Variants in OCA2 observed in about 807,000 individuals in gnomAD.
OCA2 encodes P protein.
Under a neutral mutation model 100.2 loss-of-function variants are expected in OCA2, and 77 were observed. The observed-to-expected ratio is 0.77, with a 90% CI of 0.64 to 0.93. The LOEUF is 0.93. Among genes scored for constraint, OCA2 ranks in the 40% least tolerant of loss-of-function variants. The pLI is 0.00. For synonymous variants in OCA2, 432 were observed against 439.2 expected, an observed-to-expected ratio of 0.98 and a Z score of 0.21; for missense variants, 1,062 against 1,089.1, an observed-to-expected ratio of 0.98 and a Z score of 0.35.
intron 21 of OCA2, among the ~76,000 whole-genome samples, chr15:27,858,538 A>G (rs1251111783): frequency 6.6e-6 from 1 of 152,180 alleles, no homozygotes; most frequent in East Asian, 1.9e-4. Flanking sequence ...AGTAACCAAA[A>G]TAGAACTGAG....
intron 23 of OCA2, among the ~76,000 whole-genome samples, chr15:27,805,687 G>C (rs2033810756): frequency 6.6e-6 from 1 of 152,182 alleles, no homozygotes; most frequent in African/African-American, 2.4e-5. Context: ...AATGAGGGTG[G>C]CAGGGGAGCC....
chr15:28,070,893 T>C (rs2044238313), intron 2 of OCA2, among the ~76,000 whole-genome samples: 1 of 143,896 alleles, frequency 6.9e-6, no homozygotes, highest in Non-Finnish European at 1.5e-5. Context: ...AAACATGTGC[T>C]GTGTCCACTC....
intron 19 of OCA2, 59 bp downstream of exon 19, chr15:27,926,068 A>C (rs910279069): frequency 3.8e-6 from 6 of 1,586,492 alleles, no homozygotes; most frequent in Non-Finnish European, 4.3e-6. Context: ...TTCACCAAAT[A>C]AAACATGAAA....
At chr15:27,783,364 T>C (rs2032643350) in intron 23 of OCA2, among the ~76,000 whole-genome samples, 1 of 152,212 alleles carries the variant, frequency 6.6e-6, no homozygotes, top group South Asian at 2.1e-4. Context: ...TCTTGCTAAT[T>C]CAAATTCCCA....
In OCA2 at chr15:27,771,729, ATC is replaced by A. The variant is rs2031883751; in HGVS notation, c.2433-16259_2433-16258del. Among the ~76,000 whole-genome samples the A allele has an allele frequency of 2.0e-5, 3 of 152,272 alleles. No individual in the cohort carries two copies. In the South Asian group the frequency reaches 6.2e-4, roughly 32 times the overall value. On this transcript the variant is annotated intron_variant, in intron 23 of 23. Coordinates refer to ENST00000354638, the MANE Select transcript of OCA2 (RefSeq NM_000275.3). ...ATCAGCATGTAATCGTCTGACTTTA[ATC>A]TTCTTTACCTCTGCTACTGTATTCC... is the stretch of plus-strand genomic sequence containing the variant.
intron 19 of OCA2, among the ~76,000 whole-genome samples, chr15:27,885,655 T>C (rs1365068353): frequency 1.3e-5 from 2 of 152,212 alleles, no homozygotes; most frequent in African/African-American, 4.8e-5. Context: ...CCACTTGATA[T>C]ATGGTTTGAT....
intron 19 of OCA2, among the ~76,000 whole-genome samples, chr15:27,885,899 CCA>C (rs1412404083): frequency 6.6e-6 from 1 of 152,120 alleles, no homozygotes; most frequent in Non-Finnish European, 1.5e-5. Flanking sequence ...CATATATTTG[CCA>C]CAGATATATA....
intron 15 of OCA2, among the ~76,000 whole-genome samples, chr15:27,966,409 C>T (rs973133686): frequency 2.6e-5 from 4 of 152,186 alleles, no homozygotes; most frequent in Middle Eastern, 3.2e-3. Context: ...TGTATTTGTA[C>T]CATATACACG....
chr15:28,087,236 G>C (rs2044791575), intron 1 of OCA2, among the ~76,000 whole-genome samples: 1 of 152,082 alleles, frequency 6.6e-6, no homozygotes, highest in Admixed American at 6.6e-5. Context: ...AGAAACCATG[G>C]TGGCCAGAAG....
rs766970716 is a variant in OCA2, at chr15:27,755,459, T to C, written c.2446A>G (p.Met816Val). ...FMEFFRLGFP[M>V]MVVSCTVGMC... is the part of the protein sequence containing the mutation. ...CCAACAGTGCAGGACACAACCATCA[T>C]TGGGAAGCCCAGCCTGAAATACAAA... The change falls in exon 24 of 24, where the codon ATG becomes GTG. Residue 816 changes from methionine (M) to valine (V), a missense_variant. By Grantham distance (21) the Met-to-Val change is conservative. Coordinates refer to ENST00000354638, the MANE Select transcript of OCA2 (RefSeq NM_000275.3). 1.8e-5 allele frequency: 29 copies of C among 1,613,738 alleles called. No homozygotes were observed. Among genetic ancestry groups the C allele is most frequent in the African/African-American group, 1.5e-4 (11 of 75,042 alleles).
chr15:28,035,707 T>C (rs2043027661), intron 2 of OCA2, among the ~76,000 whole-genome samples: 1 of 152,250 alleles, frequency 6.6e-6, no homozygotes, highest in Non-Finnish European at 1.5e-5. Context: ...CTAGTTTTAC[T>C]AATTTCCACA....
chr15:27,722,724 C>CTTCT, the OCA2 span, among the ~76,000 whole-genome samples: 11,982 of 142,734 alleles, frequency 0.084, 759 homozygotes, highest in East Asian at 0.2. Context: ...TTCTCTCTTT[C>CTTCT]TTCTTTCTTT....
intron 19 of OCA2, among the ~76,000 whole-genome samples, chr15:27,907,970 A>T (rs1204092190): frequency 1.3e-5 from 2 of 152,200 alleles, no homozygotes; most frequent in African/African-American, 4.8e-5. Flanking sequence ...AAATTATTTC[A>T]GATTATTGAA....
chr15:27,991,302 G>A (rs980684424), intron 9 of OCA2, among the ~76,000 whole-genome samples: 4 of 152,154 alleles, frequency 2.6e-5, no homozygotes, highest in Non-Finnish European at 4.4e-5. Flanking sequence ...CCACCCAAAA[G>A]AAATGAAAAC....
At chr15:27,880,699 C>A (rs2036979582) in intron 19 of OCA2, among the ~76,000 whole-genome samples, 2 of 152,152 alleles carry the variant, frequency 1.3e-5, no homozygotes, top group Non-Finnish European at 2.9e-5. Context: ...GATTCTTGCA[C>A]ATTGTTTTTG....
chr15:27,755,290 C>A lies in OCA2; in HGVS notation c.*98G>T, dbSNP rs2030250098. 1.2e-6 allele frequency: 1 copy of A among 865,296 alleles called. No homozygotes were observed. Among genetic ancestry groups the A allele is most frequent in the Non-Finnish European group, 2.0e-6 (1 of 512,526 alleles). 53.6% of individuals were successfully genotyped at this position (865,296 alleles called of 1,614,324 possible). A position where few individuals can be genotyped will look rare whatever the true frequency, so the allele number is the denominator to read the frequency against. On this transcript the variant is annotated 3_prime_UTR_variant, in exon 24 of 24. Transcript: ENST00000354638. Reference sequence around the variant, plus strand: ...TCTGTAGCATCTCCAGGGTAAGCACCTTTTCTTCTTCAAACAGTGGGGTCA... The same window carrying A: ...TCTGTAGCATCTCCAGGGTAAGCACATTTTCTTCTTCAAACAGTGGGGTCA...
chr15:27,937,755 G>T (rs182927179), intron 18 of OCA2, among the ~76,000 whole-genome samples: 1 of 152,008 alleles, frequency 6.6e-6, no homozygotes, highest in Non-Finnish European at 1.5e-5. Flanking sequence ...TTCTATTGGG[G>T]GGTTCTGTCT....
At chr15:27,907,666 C>T (rs886636617) in intron 19 of OCA2, among the ~76,000 whole-genome samples, 4 of 151,966 alleles carry the variant, frequency 2.6e-5, no homozygotes, top group African/African-American at 9.7e-5. Context: ...TAAGAAAGAA[C>T]AACAAGGAAA....
At chr15:27,996,677 C>CAGT (rs1361933942) in intron 9 of OCA2, among the ~76,000 whole-genome samples, 1 of 151,678 alleles carries the variant, frequency 6.6e-6, no homozygotes, top group Admixed American at 6.6e-5. Flanking sequence ...TACATGCCTA[C>CAGT]AAATTGATAG....
Sources: gnomAD v4.1 joint callset for allele counts (sites outside exome capture counted in the v4.1 genomes callset) on GRCh38, gnomAD v4.1.1 for gene constraint, MANE v1.5 for transcripts, NCBI Gene and HGNC (gene_info 2026-07-23, HGNC 2026-07-21) for gene names.